Variants in KCNC3 observed in about 807,000 individuals in gnomAD.
KCNC3 encodes the protein potassium voltage-gated channel subfamily C member 3, also known as voltage-gated potassium channel KCNC3.
A neutral mutation model predicts 43.9 loss-of-function variants in KCNC3; 22 were observed. The ratio of observed to expected loss-of-function variants is 0.50; its 90% CI spans 0.36 to 0.72. The LOEUF (loss-of-function observed/expected upper bound fraction) is 0.72. KCNC3 is among the 30% of genes least tolerant of loss of function. The pLI is 0.00. For missense variants in KCNC3, 829 were observed against 1,073.8 expected, an observed-to-expected ratio of 0.77 and a Z score of 3.19; for synonymous variants, 492 against 488.0, an observed-to-expected ratio of 1.01 and a Z score of -0.11.
intron 2 of KCNC3, among the ~76,000 whole-genome samples, chr19:50,321,799 T>A (rs1203142339): frequency 1.4e-5 from 2 of 147,988 alleles, no homozygotes; most frequent in Non-Finnish European, 3.0e-5. Flanking sequence ...AGAGAGATGG[T>A]TGCGGATGAA....
chr19:50,329,875 G>A (rs1332046447), upstream of KCNC3: 4 of 152,382 alleles, frequency 2.6e-5, no homozygotes, highest in African/African-American at 9.7e-5. Context: ...GCGGGGCTGA[G>A]GCTCCAAGGC....
At position 50,328,369 on chromosome 19, in the gene KCNC3, C is replaced by G. The variant is rs1301790218; in HGVS notation, c.714G>C (p.Ala238=). 2.5e-6 allele frequency: 3 copies of G among 1,201,704 alleles called. No homozygotes were observed. Among genetic ancestry groups the G allele is most frequent in the Non-Finnish European group, 3.1e-6 (3 of 971,014 alleles). 74.4% of individuals were successfully genotyped at this position (1,201,704 alleles called of 1,614,324 possible). A position where few individuals can be genotyped will look rare whatever the true frequency, so the allele number is the denominator to read the frequency against. The change falls in exon 1 of 5, where the codon GCG becomes GCC. Residue 238 remains alanine, a synonymous_variant. Transcript: ENST00000477616. ...AGCAGAGGCGCTTGAGCTCGCCGCC[C>G]GCTCCGTCCAGGCCGCCGCCGCCCG... The part of the protein sequence containing the change: ...AGAGGGGLDG[A]GGELKRLCFQ...
Position 50,312,692 on chromosome 19 carries a change from G to T in KCNC3, c.*3423C>A, listed in dbSNP as rs1394512394. 2.0e-5 allele frequency: 3 copies of T among 152,256 alleles called. No individual in the cohort carries two copies. The highest frequency in any genetic ancestry group is 4.4e-5 in the Non-Finnish European group (3 of 68,078). The allele number at this position is 152,256 out of a possible 1,614,324, so 9.4% of individuals were successfully genotyped here. A position where few individuals can be genotyped will look rare whatever the true frequency, so the allele number is the denominator to read the frequency against. On this transcript the variant is annotated 3_prime_UTR_variant, in exon 5 of 5. Coordinates refer to ENST00000477616, the MANE Select transcript of KCNC3 (RefSeq NM_004977.3). Reference sequence around the variant, plus strand: ...CGTGTGGCGGACTGGCGAGCAGGGGGAGACGTTGGGAAGAGGTCAGTACCC... The same window carrying T: ...CGTGTGGCGGACTGGCGAGCAGGGGTAGACGTTGGGAAGAGGTCAGTACCC...
chr19:50,319,337 C>G (rs961642981), intron 4 of KCNC3, among the ~76,000 whole-genome samples: 2 of 152,046 alleles, frequency 1.3e-5, no homozygotes, highest in Non-Finnish European at 2.9e-5. Flanking sequence ...TAACTTCCAG[C>G]CTCCCACCTC....
At chr19:50,320,441 G>A in intron 3 of KCNC3, 92 bp from the exon 4 acceptor site, 1 of 671,100 alleles carries the variant, frequency 1.5e-6, no homozygotes. Flanking sequence ...TTGGGGCGGG[G>A]GTACAGGGAA....
chr19:50,322,418 C>G (rs189400068), intron 2 of KCNC3, among the ~76,000 whole-genome samples: 488 of 152,282 alleles, frequency 3.2e-3, no homozygotes, highest in Admixed American at 6.2e-3. Flanking sequence ...GTTTTGAAGT[C>G]TGTCTGCCTC....
At chr19:50,331,885 C>T (rs1601106149), upstream of KCNC3, among the ~76,000 whole-genome samples, 1 of 152,100 alleles carries the variant, frequency 6.6e-6, no homozygotes, top group African/African-American at 2.4e-5. Flanking sequence ...CTCAGACCCC[C>T]CATCACCCTC....
intron 1 of KCNC3, among the ~76,000 whole-genome samples, chr19:50,327,506 G>C (rs2037120985): frequency 6.6e-6 from 1 of 152,130 alleles, no homozygotes; most frequent in African/African-American, 2.4e-5. Flanking sequence ...AAGGCTGTGA[G>C]GTTGGGGTGG....
upstream of KCNC3, among the ~76,000 whole-genome samples, chr19:50,330,759 G>A (rs576092000): frequency 3.9e-5 from 6 of 152,260 alleles, no homozygotes; most frequent in Admixed American, 1.3e-4. Flanking sequence ...AGGAGTCTCA[G>A]AGGTCGGGTT....
At chr19:50,316,889 G>T (rs1369434127) in intron 4 of KCNC3, among the ~76,000 whole-genome samples, 1 of 151,976 alleles carries the variant, frequency 6.6e-6, no homozygotes, top group Non-Finnish European at 1.5e-5. Context: ...AGGGCTGGAG[G>T]GGGAAGGATC....
upstream of KCNC3, among the ~76,000 whole-genome samples, chr19:50,330,493 G>T (rs566440922): frequency 6.6e-6 from 1 of 152,054 alleles, no homozygotes; most frequent in Non-Finnish European, 1.5e-5. Context: ...CCTGGAACGG[G>T]GAGTCTTCGG....
rs2036937730 is a variant in KCNC3 at position 50,315,549 on chromosome 19, GAA to G, written c.*564_*565del. On this transcript the variant is annotated 3_prime_UTR_variant, in exon 5 of 5. Coordinates refer to ENST00000477616, the MANE Select transcript of KCNC3 (RefSeq NM_004977.3). ...GGCTGGGGGCTGACCTAGTTGTAGG[GAA>G]AGAGAGCAGGCAGGGGGTGGGGTCT... 6.7e-6 allele frequency: 1 copy of G among 150,016 alleles called. No homozygotes were observed. The highest frequency in any genetic ancestry group is 2.1e-4 in the South Asian group (1 of 4,678). The allele number at this position is 150,016 out of a possible 1,614,324, so 9.3% of individuals were successfully genotyped here. A position where few individuals can be genotyped will look rare whatever the true frequency, so the allele number is the denominator to read the frequency against.
chr19:50,320,801 TCAGA>T lies in KCNC3; in HGVS notation c.1979-21_1979-18del, dbSNP rs1377729556. The T allele has an allele frequency of 5.6e-6, 9 of 1,610,960 alleles. No homozygotes were observed. Among genetic ancestry groups the T allele is most frequent in the East Asian group, 4.5e-5 (2 of 44,794 alleles). On this transcript the variant is annotated intron_variant, in intron 2 of 4. Coordinates refer to ENST00000477616, the MANE Select transcript of KCNC3 (RefSeq NM_004977.3). The stretch of plus-strand genomic sequence containing the variant: ...GGCGAGGATCTGCATCCCAAGGGGG[TCAGA>T]CAGAGAGACAAAGGAGAGAGTGAGG...
At position 50,324,844 on chromosome 19, in the gene KCNC3, G is replaced by A. The variant is rs563373094; in HGVS notation, c.871-762C>T. On this transcript the variant is annotated intron_variant, in intron 1 of 4. Transcript: ENST00000477616. This position sits in a 1 kb window ranked among gnomAD's most constrained non-coding sequence, Gnocchi z 4.1. ...ACCCAGAGAGGACAGGGCAGTGGTGGTGCCACAGAGGGGAGGTGGGGGTCC... is the reference window on the plus strand; with the variant it reads ...ACCCAGAGAGGACAGGGCAGTGGTGATGCCACAGAGGGGAGGTGGGGGTCC... Among the ~76,000 whole-genome samples the A allele has an allele frequency of 2.7e-4, 41 of 152,084 alleles. No homozygotes were observed. Among genetic ancestry groups the A allele is most frequent in the Non-Finnish European group, 5.6e-4 (38 of 68,020 alleles).
chr19:50,332,138 G>A (rs1226891808), upstream of KCNC3, among the ~76,000 whole-genome samples: 1 of 152,224 alleles, frequency 6.6e-6, no homozygotes, highest in East Asian at 1.9e-4. The surrounding 1 kb of genome is among the most constrained non-coding windows in gnomAD (Gnocchi z 5.8). Flanking sequence ...ATCCTGAGGT[G>A]AGGGACTGGG....
chr19:50,314,748 CTT>C lies in KCNC3; in HGVS notation c.*1365_*1366del, dbSNP rs1239493814. The stretch of plus-strand genomic sequence containing the variant: ...CATCTCGGTTGCATATTATTAATGA[CTT>C]TTTGATTTTTTTTAAAAAAACCCTT... On this transcript the variant is annotated 3_prime_UTR_variant, in exon 5 of 5. Transcript: ENST00000477616. 4.5e-6 allele frequency: 2 copies of C among 440,036 alleles called. No homozygotes were observed. The highest frequency in any genetic ancestry group is 4.9e-5 in the Admixed American group (2 of 41,198). The allele number at this position is 440,036 out of a possible 1,614,324, so 27.3% of individuals were successfully genotyped here.
intron 2 of KCNC3, among the ~76,000 whole-genome samples, chr19:50,321,663 C>T (rs981392836): frequency 1.1e-4 from 16 of 151,972 alleles, no homozygotes; most frequent in African/African-American, 3.6e-4. Context: ...CCAGCTACTC[C>T]GGAGGCTGAG....
At chr19:50,327,334 T>A (rs368979194) in intron 1 of KCNC3, among the ~76,000 whole-genome samples, 1 of 151,882 alleles carries the variant, frequency 6.6e-6, no homozygotes, top group African/African-American at 2.4e-5. Flanking sequence ...GGAAAGTCCT[T>A]GAGATGGGAG....
At chr19:50,325,670 C>A (rs2037094737) in intron 1 of KCNC3, among the ~76,000 whole-genome samples, 1 of 152,130 alleles carries the variant, frequency 6.6e-6, no homozygotes, top group Admixed American at 6.5e-5. Flanking sequence ...TCCCCGCCCC[C>A]TCCGAGCCGG....
Sources: gnomAD v4.1 joint callset for allele counts (sites outside exome capture counted in the v4.1 genomes callset) on GRCh38, gnomAD v4.1.1 for gene constraint, Gnocchi (gnomAD v3.1) non-coding constraint, MANE v1.5 for transcripts, NCBI Gene and HGNC (gene_info 2026-07-23, HGNC 2026-07-21) for gene names.